IVNS1ABP: variants seen among roughly 807,000 people sequenced by gnomAD.
IVNS1ABP encodes the protein influenza virus NS1A-binding protein.
In IVNS1ABP, 25 loss-of-function variants were observed where a neutral mutation model predicts 78.9. The observed-to-expected ratio is 0.32, with a 90% confidence interval of 0.23 to 0.44. IVNS1ABP has a LOEUF of 0.44. Among genes scored for constraint, IVNS1ABP ranks in the 20% least tolerant of loss-of-function variants. The probability of loss-of-function intolerance (pLI) is 1.00; values close to 1 mark genes in which losing one functional copy is unlikely to be tolerated. For synonymous variants in IVNS1ABP, 241 were observed against 259.7 expected (o/e 0.93, Z 0.69); for missense variants, 494 against 768.9 (o/e 0.64, Z 4.23).
intron 8 of IVNS1ABP, 141 bp from the exon 9 acceptor site, chr1:185,301,704 A>G (rs1337405874): frequency 1.2e-6 from 1 of 836,662 alleles, no homozygotes; most frequent in Non-Finnish European, 1.8e-6. Context: ...TCAAGCCAAC[A>G]CTTTCCAAAT....
chr1:185,301,669 A>G, intron 8 of IVNS1ABP, 106 bp from the exon 9 acceptor site: 7 of 1,221,290 alleles, frequency 5.7e-6, no homozygotes, highest in Non-Finnish European at 8.2e-6. Flanking sequence ...CCTATATATG[A>G]CATTTATAGG....
chr1:185,299,845 A>G lies in IVNS1ABP; in HGVS notation c.1540T>C (p.Leu514=). The G allele has an allele frequency of 6.2e-7, 1 of 1,613,776 alleles. No individual in the cohort carries two copies. The highest frequency in any genetic ancestry group is 1.3e-5 in the African/African-American group (1 of 74,996). Residue 514 remains leucine, a synonymous_variant, in exon 14 of 15, where the codon TTG becomes CTG. Coordinates refer to ENST00000367498, the MANE Select transcript of IVNS1ABP (RefSeq NM_006469.5). ...QSAVCELGGY[L]YIIGGAESWN... ...GATTCTGCACCTCCGATTATGTACA[A>G]ATAACCACCAAGCTCACAGACTGCA... is the stretch of plus-strand genomic sequence containing the variant.
intron 7 of IVNS1ABP, chr1:185,306,671 T>C (rs1431005946): frequency 2.6e-6 from 3 of 1,143,082 alleles, no homozygotes; most frequent in East Asian, 7.1e-5. Context: ...TTAGAAGCTT[T>C]TACCTACTTG....
chr1:185,317,002 G>A lies in IVNS1ABP; in HGVS notation c.-296C>T, dbSNP rs983288157. 2 of 398,626 alleles carry A rather than the reference G, an allele frequency of 5.0e-6. No homozygotes were observed. Among genetic ancestry groups the A allele is most frequent in the Non-Finnish European group, 8.8e-6 (2 of 226,222 alleles). 24.7% of individuals were successfully genotyped at this position (398,626 alleles called of 1,614,324 possible). A position where few individuals can be genotyped will look rare whatever the true frequency, so the allele number is the denominator to read the frequency against. ...AACATTCATTTCTAGAGCTTCGATG[G>A]GAAGCAGGAGGAAGCGGGCGGGAAT... is the stretch of plus-strand genomic sequence containing the variant. On this transcript the variant is annotated 5_prime_UTR_variant, in exon 1 of 15. Coordinates refer to ENST00000367498, the MANE Select transcript of IVNS1ABP (RefSeq NM_006469.5).
In IVNS1ABP at chr1:185,307,984, T is replaced by C. The variant is rs778732028; in HGVS notation, c.358-322A>G. On this transcript the variant is annotated intron_variant, in intron 5 of 14. Coordinates refer to ENST00000367498, the MANE Select transcript of IVNS1ABP (RefSeq NM_006469.5). ...ACTGGGCTCTACAGGAGAGATGATGTTGATGTTGAATGCAGACAGAAGTAG... is the reference window on the plus strand; with the variant it reads ...ACTGGGCTCTACAGGAGAGATGATGCTGATGTTGAATGCAGACAGAAGTAG... 25 of 1,549,946 alleles carry C rather than the reference T, an allele frequency of 1.6e-5. No homozygotes were observed. The South Asian group carries it at 2.4e-4, about 15-fold the overall frequency.
intron 1 of IVNS1ABP, among the ~76,000 whole-genome samples, chr1:185,314,815 C>T (rs2102825324): frequency 6.6e-6 from 1 of 151,938 alleles, no homozygotes; most frequent in South Asian, 2.1e-4. Flanking sequence ...AAATCAATTA[C>T]CAAAAAGCAT....
chr1:185,303,697 T>A (rs1165265531), intron 8 of IVNS1ABP, among the ~76,000 whole-genome samples: 1 of 152,066 alleles, frequency 6.6e-6, no homozygotes, highest in Non-Finnish European at 1.5e-5. Flanking sequence ...TCCCTCATCA[T>A]TTTTTTAAAA....
intron 1 of IVNS1ABP, among the ~76,000 whole-genome samples, chr1:185,312,851 CAT>C (rs1028184610): frequency 6.6e-6 from 1 of 152,132 alleles, no homozygotes; most frequent in African/African-American, 2.4e-5. Flanking sequence ...AGAAAATTTT[CAT>C]ATATATATGA....
Position 185,317,173 on chromosome 1 carries a change from G to A in IVNS1ABP, c.-467C>T, listed in dbSNP as rs1666061658. ...GCTCGCTCGCCGATACAGCCGCGCCGAAGCAGCAGGCGGAGAAACTGCGCC... is the reference window on the plus strand; with the variant it reads ...GCTCGCTCGCCGATACAGCCGCGCCAAAGCAGCAGGCGGAGAAACTGCGCC... On this transcript the variant is annotated 5_prime_UTR_variant, in exon 1 of 15. Coordinates refer to ENST00000367498, the MANE Select transcript of IVNS1ABP (RefSeq NM_006469.5). 7.5e-6 allele frequency: 3 copies of A among 398,028 alleles called. No homozygotes were observed. The highest frequency in any genetic ancestry group is 8.9e-6 in the Non-Finnish European group (2 of 225,976). 24.7% of individuals were successfully genotyped at this position (398,028 alleles called of 1,614,324 possible). A position where few individuals can be genotyped will look rare whatever the true frequency, so the allele number is the denominator to read the frequency against.
intron 9 of IVNS1ABP, 22 bp from the exon 10 acceptor site, chr1:185,301,218 G>A (rs371644018): frequency 7.6e-5 from 121 of 1,583,136 alleles, no homozygotes; most frequent in East Asian, 1.8e-4. Flanking sequence ...AGAGTTCCAT[G>A]TTTAAGATGT....
Position 185,299,777 on chromosome 1 carries a change from A to G in IVNS1ABP, c.1608T>C (p.Asn536=), listed in dbSNP as rs1571737716. 1 of 1,613,626 alleles carries G rather than the reference A, an allele frequency of 6.2e-7. No individual in the cohort carries two copies. ...LNTVERYNPE[N]NTWTLIAPMN... ...TGGGTGCAATTAAAGTCCAGGTATTATTTTCAGGATTGTATCGTTCTACTG... is the reference window on the plus strand; with the variant it reads ...TGGGTGCAATTAAAGTCCAGGTATTGTTTTCAGGATTGTATCGTTCTACTG... The change falls in exon 14 of 15, where the codon AAT becomes AAC. Residue 536 remains asparagine (N), a synonymous_variant. Transcript: ENST00000367498.
chr1:185,300,705 C>A, intron 10 of IVNS1ABP, 147 bp from the exon 11 acceptor site: 1 of 807,304 alleles, frequency 1.2e-6, no homozygotes, highest in East Asian at 2.6e-5. Context: ...TAACTAAGTG[C>A]TTGTAATAGC....
intron 1 of IVNS1ABP, among the ~76,000 whole-genome samples, chr1:185,314,808 T>C (rs1665972434): frequency 6.6e-6 from 1 of 152,106 alleles, no homozygotes; most frequent in South Asian, 2.1e-4. Flanking sequence ...CTTATTAAAA[T>C]CAATTACCAA....
In IVNS1ABP at chr1:185,305,611, C is replaced by T. The variant is rs1665719108; in HGVS notation, c.690G>A (p.Lys230=). 1 of 1,613,292 alleles carries T rather than the reference C, an allele frequency of 6.2e-7. No homozygotes were observed. The highest frequency in any genetic ancestry group is 8.5e-7 in the Non-Finnish European group (1 of 1,179,538). Residue 230 remains lysine, a synonymous_variant, in exon 8 of 15, where the codon AAG becomes AAA. Transcript: ENST00000367498. The surrounding 1 kb of genome is among the most constrained non-coding windows in gnomAD (Gnocchi z 4.0). ...CATCTAGTAGGTTCCCATCAAGCAG[C>T]TTGTGATCAGCTGAGTAGTACAAGG... ...VQTLYYSADH[K]LLDGNLLDGQ...
Position 185,307,120 on chromosome 1 carries a change from T to C in IVNS1ABP, c.551A>G (p.Asp184Gly). 1 of 1,613,500 alleles carries C rather than the reference T, an allele frequency of 6.2e-7. No individual in the cohort carries two copies. The highest frequency in any genetic ancestry group is 8.5e-7 in the Non-Finnish European group (1 of 1,179,530). The change falls in exon 7 of 15, where the codon GAT becomes GGT. Residue 184 changes from aspartate (D) to glycine (G), a missense_variant. By Grantham distance (94) the Asp-to-Gly change is moderately conservative. Transcript: ENST00000367498. ...PRLKLEVMLEDNVCLPSNGKL... is the reference protein window; with the variant it reads ...PRLKLEVMLEGNVCLPSNGKL... ...GCCATTGCTGGGCAAGCAAACATTA[T>C]CTTCAAGCATTACCTCCAACTAGAA...
In IVNS1ABP at chr1:185,297,967, C is replaced by A; in HGVS notation, c.*68G>T. 6.7e-7 allele frequency: 1 copy of A among 1,498,662 alleles called. No homozygotes were observed. The highest frequency in any genetic ancestry group is 1.3e-5 in the South Asian group (1 of 79,728). 92.8% of individuals were successfully genotyped at this position (1,498,662 alleles called of 1,614,324 possible). Reference sequence around the variant, plus strand: ...TCTATACCCACCCACCCTCTTTATTCACAAGTGTACCTCTACTAACCATAA... The same window carrying A: ...TCTATACCCACCCACCCTCTTTATTAACAAGTGTACCTCTACTAACCATAA... On this transcript the variant is annotated 3_prime_UTR_variant, in exon 15 of 15. Transcript: ENST00000367498.
chr1:185,296,472 A>G lies in IVNS1ABP; in HGVS notation c.*1563T>C, dbSNP rs1046154775. On this transcript the variant is annotated 3_prime_UTR_variant, in exon 15 of 15. Transcript: ENST00000367498. ...GATCCATATTAAAAACAGTCATCATATTAGGCAAATTCAATCTGTCAATGT... is the reference window on the plus strand; with the variant it reads ...GATCCATATTAAAAACAGTCATCATGTTAGGCAAATTCAATCTGTCAATGT... 1 of 152,150 alleles carries G rather than the reference A, an allele frequency of 6.6e-6. No individual in the cohort carries two copies. Among genetic ancestry groups the G allele is most frequent in the Non-Finnish European group, 1.5e-5 (1 of 67,996 alleles). The allele number at this position is 152,150 out of a possible 1,614,324, so 9.4% of individuals were successfully genotyped here. A position where few individuals can be genotyped will look rare whatever the true frequency, so the allele number is the denominator to read the frequency against.
rs755409643 is a variant in IVNS1ABP at position 185,301,512 on chromosome 1, C to G, written c.817G>C (p.Gly273Arg). The G allele has an allele frequency of 6.2e-7, 1 of 1,613,142 alleles. No homozygotes were observed. Among genetic ancestry groups the G allele is most frequent in the Non-Finnish European group, 8.5e-7 (1 of 1,179,346 alleles). The change falls in exon 9 of 15, where the codon GGA becomes CGA. Residue 273 changes from glycine (G) to arginine (R), a missense_variant. Transcript: ENST00000367498. Reference protein sequence around the residue: ...GHKQISSSSTGCLSSPNATVQ... With the variant: ...GHKQISSSSTRCLSSPNATVQ... ...GTAGCATTTGGAGAAGAGAGACATC[C>G]AGTTGAACTGCTACTTATCTGCTTA...
intron 7 of IVNS1ABP, 141 bp downstream of exon 7, chr1:185,306,873 T>C (rs529118540): frequency 1.3e-5 from 12 of 895,792 alleles, no homozygotes; most frequent in African/African-American, 5.1e-5. Context: ...ACACCCCCCC[T>C]GTTTCTCAGC....
Sources: allele counts gnomAD v4.1 joint callset (sites outside exome capture counted in the v4.1 genomes callset), GRCh38; gene constraint gnomAD v4.1.1; non-coding constraint Gnocchi (gnomAD v3.1); transcripts MANE v1.5; gene names NCBI Gene and HGNC (gene_info 2026-07-23, HGNC 2026-07-21).